DCDC2C: variants seen among roughly 807,000 people sequenced by gnomAD.
DCDC2C encodes doublecortin domain containing 2C.
DCDC2C carries 44 observed loss-of-function variants against 45.0 expected under a neutral mutation model. The ratio of observed to expected loss-of-function variants is 0.98; its 90% CI spans 0.77 to 1.26. The LOEUF (loss-of-function observed/expected upper bound fraction) is 1.26. DCDC2C is among the 50% of genes most tolerant of loss of function. The probability of loss-of-function intolerance (pLI) is 0.00; values close to 1 mark genes in which losing one functional copy is unlikely to be tolerated. For synonymous variants in DCDC2C, 187 were observed against 178.8 expected (o/e 1.05, Z -0.37); for missense variants, 447 against 468.9 (o/e 0.95, Z 0.43).
chr2:3,829,133 T>G (rs1307248303), intron 10 of DCDC2C, among the ~76,000 whole-genome samples: 1 of 152,132 alleles, frequency 6.6e-6, no homozygotes, highest in African/African-American at 2.4e-5. Flanking sequence ...GATGCTGGCT[T>G]TAGAAACCTC....
intron 4 of DCDC2C, among the ~76,000 whole-genome samples, chr2:3,752,257 G>A (rs766456377): frequency 1.3e-5 from 2 of 152,178 alleles, no homozygotes; most frequent in African/African-American, 4.8e-5. Context: ...TATGCATATA[G>A]AGGCTCAGCA....
chr2:3,707,097 G>A (rs752498585), intron 1 of DCDC2C, among the ~76,000 whole-genome samples: 5 of 152,098 alleles, frequency 3.3e-5, no homozygotes, highest in Admixed American at 6.5e-5. Context: ...CCTACTCCCC[G>A]CCCACCTCAG....
chr2:3,763,468 T>A (rs570290676), intron 6 of DCDC2C, among the ~76,000 whole-genome samples: 5 of 152,312 alleles, frequency 3.3e-5, no homozygotes, highest in African/African-American at 1.2e-4. Flanking sequence ...AACTGAAGGC[T>A]CCTTGCCCTT....
intron 1 of DCDC2C, among the ~76,000 whole-genome samples, chr2:3,705,964 G>C (rs969587983): frequency 6.6e-6 from 1 of 152,124 alleles, no homozygotes; most frequent in Non-Finnish European, 1.5e-5. Flanking sequence ...AAATAGATGA[G>C]CCATGTCTGC....
chr2:3,764,590 G>A (rs146997614), intron 6 of DCDC2C, among the ~76,000 whole-genome samples: 276 of 152,328 alleles, frequency 1.8e-3, no homozygotes, highest in African/African-American at 6.3e-3. Flanking sequence ...GACTTCCCCA[G>A]CCATGTGGAA....
chr2:3,782,736 C>T (rs73146810), intron 9 of DCDC2C, among the ~76,000 whole-genome samples: 22,778 of 152,188 alleles, frequency 0.15, 1,872 homozygotes, highest in East Asian at 0.29. Context: ...ACGTTGGCCT[C>T]CCAAAGTGCT....
chr2:3,787,292 T>C (rs1053511095), intron 10 of DCDC2C, among the ~76,000 whole-genome samples: 1 of 152,264 alleles, frequency 6.6e-6, no homozygotes, highest in Admixed American at 6.5e-5. Context: ...ATGCAAACTG[T>C]GCGCAAATAG....
intron 2 of DCDC2C, among the ~76,000 whole-genome samples, chr2:3,717,586 T>C (rs1330192089): frequency 6.6e-6 from 1 of 152,118 alleles, no homozygotes; most frequent in African/African-American, 2.4e-5. Context: ...CTTCCGCTGG[T>C]CTCCTTGCTT....
At chr2:3,716,936 C>A (rs759372088) in intron 2 of DCDC2C, among the ~76,000 whole-genome samples, 1 of 152,186 alleles carries the variant, frequency 6.6e-6, no homozygotes, top group African/African-American at 2.4e-5. Flanking sequence ...GTTTACCCAT[C>A]CATCAGGTGG....
At chr2:3,706,595 T>C (rs1435277233) in intron 1 of DCDC2C, among the ~76,000 whole-genome samples, 2 of 152,064 alleles carry the variant, frequency 1.3e-5, no homozygotes, top group Non-Finnish European at 2.9e-5. Flanking sequence ...CCCAAAGAAT[T>C]TGAATGCTTA....
chr2:3,825,077 G>C (rs923428490), intron 10 of DCDC2C, among the ~76,000 whole-genome samples: 1 of 152,160 alleles, frequency 6.6e-6, no homozygotes, highest in Non-Finnish European at 1.5e-5. Context: ...GGTTTAGGGA[G>C]GGCCCTGAGG....
Position 3,782,186 on chromosome 2 carries a change from C to T in DCDC2C, c.1024-2873C>T, listed in dbSNP as rs114134064. ...TCATTTGAAGCACTTAAAACAATCC[C>T]GGCCTGAAGGAGCTGTTCAGATGCA... On this transcript the variant is annotated intron_variant, in intron 9 of 10. Transcript: ENST00000399143. Among the ~76,000 whole-genome samples the T allele has an allele frequency of 7.7e-3, 1,177 of 152,222 alleles. 14 individuals are homozygous for T. Among genetic ancestry groups the T allele is most frequent in the African/African-American group, 0.027 (1,125 of 41,540 alleles).
At chr2:3,809,611 C>A (rs769905883) in intron 10 of DCDC2C, among the ~76,000 whole-genome samples, 1 of 152,026 alleles carries the variant, frequency 6.6e-6, no homozygotes, top group African/African-American at 2.4e-5. Flanking sequence ...GAGTTCTGGT[C>A]GCTTTTTAAA....
At chr2:3,808,623 C>T (rs12473613) in intron 10 of DCDC2C, among the ~76,000 whole-genome samples, 15,181 of 152,240 alleles carry the variant, frequency 0.1, 1,033 homozygotes, top group East Asian at 0.29. Context: ...ATCTCCTGAC[C>T]TGGTGATCTG....
chr2:3,815,961 TAAAAC>T (rs917644260), intron 10 of DCDC2C, among the ~76,000 whole-genome samples: 21 of 152,110 alleles, frequency 1.4e-4, no homozygotes, highest in African/African-American at 4.3e-4. Flanking sequence ...ACAAGAAAAA[TAAAAC>T]AAAACAGTGT....
At chr2:3,772,022 G>A (rs567003180) in intron 8 of DCDC2C, among the ~76,000 whole-genome samples, 5 of 152,288 alleles carry the variant, frequency 3.3e-5, no homozygotes, top group South Asian at 4.1e-4. Flanking sequence ...TAGCCTGAGC[G>A]TCTCACATGC....
intron 2 of DCDC2C, among the ~76,000 whole-genome samples, chr2:3,717,830 A>G (rs1360448232): frequency 2.0e-5 from 3 of 152,100 alleles, no homozygotes; most frequent in African/African-American, 7.2e-5. Flanking sequence ...TCATGCGCCT[A>G]TCCTCAAGCC....
chr2:3,838,452 C>CAGAGAGAGAGAGAGAGAGAGAG (rs61141962), intron 10 of DCDC2C, among the ~76,000 whole-genome samples: 7 of 112,486 alleles, frequency 6.2e-5, no homozygotes, highest in East Asian at 4.6e-4. Context: ...AGGATCATGA[C>CAGAGAGAGAGAGAGAGAGAGAG]AGAGAGAGAG....
intron 10 of DCDC2C, among the ~76,000 whole-genome samples, chr2:3,794,354 T>A (rs1670899898): frequency 6.6e-6 from 1 of 152,120 alleles, no homozygotes; most frequent in African/African-American, 2.4e-5. Context: ...TTTTTTATTA[T>A]TATTTTTAAA....
Sources: allele counts gnomAD v4.1 joint callset (sites outside exome capture counted in the v4.1 genomes callset), GRCh38; gene constraint gnomAD v4.1.1; transcripts MANE v1.5; gene names NCBI Gene and HGNC (gene_info 2026-07-23, HGNC 2026-07-21).